Variants in ABCB5 observed in about 807,000 individuals in gnomAD.
ABCB5 encodes ATP binding cassette subfamily B member 5, also known as ATP-binding cassette sub-family B member 5.
A neutral mutation model predicts 144.2 loss-of-function variants in ABCB5; 155 were observed. The ratio of observed to expected loss-of-function variants is 1.08; its 90% CI spans 0.94 to 1.23. ABCB5 has a LOEUF of 1.23. Among genes scored for constraint, ABCB5 ranks in the 50% most tolerant of loss-of-function variants. The probability of loss-of-function intolerance (pLI) is 0.00; values close to 1 mark genes in which losing one functional copy is unlikely to be tolerated. For synonymous variants in ABCB5, 610 were observed against 528.6 expected, an observed-to-expected ratio of 1.15 and a Z score of -2.11; for missense variants, 1,830 against 1,520.8, an observed-to-expected ratio of 1.20 and a Z score of -3.38.
chr7:20,623,363 G>A lies in ABCB5; in HGVS notation c.53+25G>A, dbSNP rs750217855. 5.9e-6 allele frequency: 9 copies of A among 1,523,186 alleles called. No homozygotes were observed. In the South Asian group the frequency reaches 9.6e-5, roughly 16 times the overall value. The allele number at this position is 1,523,186 out of a possible 1,614,324, so 94.4% of individuals were successfully genotyped here. Reference sequence around the variant, plus strand: ...GGTAAGCTCTCACTAAGTTCTGTAAGTATGCTTCCACAACTTCAAATATAA... The same window carrying A: ...GGTAAGCTCTCACTAAGTTCTGTAAATATGCTTCCACAACTTCAAATATAA... On this transcript the variant is annotated intron_variant, in intron 2 of 27. Coordinates refer to ENST00000404938, the MANE Select transcript of ABCB5 (RefSeq NM_001163941.2).
Position 20,643,304 on chromosome 7 carries a change from T to A in ABCB5, c.435T>A (p.His145Gln). The change falls in exon 6 of 28, where the codon CAT (histidine) becomes CAA (glutamine). Residue 145 changes from histidine to glutamine, a missense_variant. Transcript: ENST00000404938. Reference sequence around the variant, plus strand: ...AGAGGATTCGAAAACAGTTTTTTCATTCAGTTTTGGCACAGGACATCGGCT... The same window carrying A: ...AGAGGATTCGAAAACAGTTTTTTCAATCAGTTTTGGCACAGGACATCGGCT... Reference protein sequence around the residue: ...QTKRIRKQFFHSVLAQDIGWF... With the variant: ...QTKRIRKQFFQSVLAQDIGWF... 6.2e-7 allele frequency: 1 copy of A among 1,614,000 alleles called. No homozygotes were observed. The highest frequency in any genetic ancestry group is 2.2e-5 in the East Asian group (1 of 44,882).
chr7:20,681,785 A>G (rs1785839051), intron 15 of ABCB5, 119 bp downstream of exon 15: 1 of 1,140,124 alleles, frequency 8.8e-7, no homozygotes, highest in Non-Finnish European at 1.2e-6. Flanking sequence ...ACCAAGGTTT[A>G]TAGTTCCTCA....
intron 25 of ABCB5, 120 bp from the exon 26 acceptor site, chr7:20,745,112 T>C: frequency 2.7e-6 from 3 of 1,092,212 alleles, no homozygotes; most frequent in South Asian, 1.5e-5. Flanking sequence ...ACTTTATACT[T>C]TGAAATAGCT....
Position 20,737,350 on chromosome 7 carries a change from T to A in ABCB5, c.2868-1633T>A, listed in dbSNP as rs1049587418. Among the ~76,000 whole-genome samples the A allele has an allele frequency of 4.6e-5, 7 of 152,204 alleles. No homozygotes were observed. The South Asian group carries it at 1.2e-3, about 27-fold the overall frequency. ...GGGCTTTTGCTTGTACTCTCCCTTCTCTAACTGAACCCTTTCTTCCGGCTC... is the reference window on the plus strand; with the variant it reads ...GGGCTTTTGCTTGTACTCTCCCTTCACTAACTGAACCCTTTCTTCCGGCTC... On this transcript the variant is annotated intron_variant, in intron 23 of 27. Transcript: ENST00000404938.
At position 20,756,477 on chromosome 7, in the gene ABCB5, T is replaced by A. The variant is rs941399689; in HGVS notation, c.*853T>A. 1.4e-4 allele frequency: 21 copies of A among 152,132 alleles called. No individual in the cohort carries two copies. The highest frequency in any genetic ancestry group is 3.6e-4 in the African/African-American group (15 of 41,396). The allele number at this position is 152,132 out of a possible 1,614,324, so 9.4% of individuals were successfully genotyped here. ...GGCCAACATGGTGAAACCCCGTCTC[T>A]ACTAAAAACACAAAAATTAGCCAAT... On this transcript the variant is annotated 3_prime_UTR_variant, in exon 28 of 28. Transcript: ENST00000404938.
chr7:20,622,654 A>C (rs1583373305), intron 1 of ABCB5, among the ~76,000 whole-genome samples: 11 of 152,150 alleles, frequency 7.2e-5, no homozygotes. Context: ...TTTATAATTT[A>C]TGAACATAAC....
At chr7:20,666,272 T>C (rs1562550049) in intron 14 of ABCB5, among the ~76,000 whole-genome samples, 1 of 152,032 alleles carries the variant, frequency 6.6e-6, no homozygotes, top group Non-Finnish European at 1.5e-5. Context: ...TGGAAGGCAG[T>C]GAGTGGGAAC....
Position 20,648,035 on chromosome 7 carries a change from T to G in ABCB5, c.1163T>G (p.Phe388Cys). The change falls in exon 11 of 28, where the codon TTT becomes TGT. Residue 388 changes from phenylalanine to cysteine, a missense_variant. Physicochemically the swap from Phe to Cys is radical, Grantham distance 205 (BLOSUM62 -2). Transcript: ENST00000404938. The stretch of plus-strand genomic sequence containing the variant: ...GAATCCATAGAAGGAACTGTGGAAT[T>G]TAAAAATGTTTCTTTCAATTATCCA... ...KPESIEGTVE[F>C]KNVSFNYPSR... is the part of the protein sequence containing the mutation. The G allele has an allele frequency of 6.2e-7, 1 of 1,611,470 alleles. No individual in the cohort carries two copies. Among genetic ancestry groups the G allele is most frequent in the Non-Finnish European group, 8.5e-7 (1 of 1,178,088 alleles).
At chr7:20,644,594 C>T (rs368462292) in intron 7 of ABCB5, among the ~76,000 whole-genome samples, 1 of 152,118 alleles carries the variant, frequency 6.6e-6, no homozygotes, top group Non-Finnish European at 1.5e-5. Context: ...AATCTAAAAA[C>T]AACAAATGTA....
At chr7:20,631,393 A>C (rs1341975897) in intron 4 of ABCB5, among the ~76,000 whole-genome samples, 4 of 152,138 alleles carry the variant, frequency 2.6e-5, no homozygotes, top group African/African-American at 9.6e-5. Context: ...TAACAGATGA[A>C]GAGTCATGAT....
At chr7:20,653,481 G>A (rs1208633892) in intron 13 of ABCB5, among the ~76,000 whole-genome samples, 1 of 152,164 alleles carries the variant, frequency 6.6e-6, no homozygotes, top group Non-Finnish European at 1.5e-5. Flanking sequence ...ATAATTAGCT[G>A]ATACTGGTTA....
chr7:20,679,407 G>A (rs1485149556), intron 14 of ABCB5, among the ~76,000 whole-genome samples: 1 of 141,640 alleles, frequency 7.1e-6, no homozygotes, highest in African/African-American at 2.6e-5. Context: ...GGAGGCAGCT[G>A]TTGCAGTGAG....
At chr7:20,673,319 C>A (rs1785507767) in intron 14 of ABCB5, among the ~76,000 whole-genome samples, 1 of 151,938 alleles carries the variant, frequency 6.6e-6, no homozygotes, top group African/African-American at 2.4e-5. Flanking sequence ...CTTCCTTGTC[C>A]TTATGGTCTA....
Position 20,651,554 on chromosome 7 carries a change from G to A in ABCB5, c.1467G>A (p.Val489=), listed in dbSNP as rs1784589729. The A allele has an allele frequency of 6.2e-7, 1 of 1,614,086 alleles. No individual in the cohort carries two copies. The highest frequency in any genetic ancestry group is 8.5e-7 in the Non-Finnish European group (1 of 1,180,000). The change falls in exon 13 of 28, where the codon GTG becomes GTA. Residue 489 remains valine, a synonymous_variant. Transcript: ENST00000404938. ...ATATCAAGTATGGACGAGATGATGT[G>A]ACTGATGAAGAGATGGAGAGAGCAG... ...SNNIKYGRDD[V]TDEEMERAAR... is the part of the protein sequence containing the mutation.
At chr7:20,747,411 C>T (rs541293936) in intron 26 of ABCB5, among the ~76,000 whole-genome samples, 1 of 152,312 alleles carries the variant, frequency 6.6e-6, no homozygotes, top group East Asian at 1.9e-4. Flanking sequence ...GCACATGCCA[C>T]CATGCCTGGC....
intron 5 of ABCB5, among the ~76,000 whole-genome samples, chr7:20,636,954 C>A (rs1219452755): frequency 6.6e-6 from 1 of 151,944 alleles, no homozygotes; most frequent in Non-Finnish European, 1.5e-5. Context: ...TCTATGACAG[C>A]CTTCTATCCG....
intron 19 of ABCB5, among the ~76,000 whole-genome samples, chr7:20,703,823 C>A (rs181539185): frequency 6.6e-6 from 1 of 152,100 alleles, no homozygotes; most frequent in African/African-American, 2.4e-5. Flanking sequence ...TTACATTATA[C>A]TTTTATTGCT....
intron 13 of ABCB5, among the ~76,000 whole-genome samples, chr7:20,653,689 A>G (rs574826809): frequency 6.6e-6 from 1 of 152,342 alleles, no homozygotes; most frequent in East Asian, 1.9e-4. Flanking sequence ...GGGCAGCTGG[A>G]AAGGTGATAA....
rs941861480 is a variant in ABCB5 at position 20,666,263 on chromosome 7, G to T, written c.1707+7587G>T. Among the ~76,000 whole-genome samples, 9 of 152,100 alleles carry T rather than the reference G, an allele frequency of 5.9e-5. No individual in the cohort carries two copies. The East Asian group carries it at 1.7e-3, about 29-fold the overall frequency. Reference sequence around the variant, plus strand: ...CCAAATCCAACTGAGGCAACCTTTTGGAAGGCAGTGAGTGGGAACTTGTGT... The same window carrying T: ...CCAAATCCAACTGAGGCAACCTTTTTGAAGGCAGTGAGTGGGAACTTGTGT... On this transcript the variant is annotated intron_variant, in intron 14 of 27. Coordinates refer to ENST00000404938, the MANE Select transcript of ABCB5 (RefSeq NM_001163941.2).
Sources: allele counts gnomAD v4.1 joint callset (sites outside exome capture counted in the v4.1 genomes callset), GRCh38; gene constraint gnomAD v4.1.1; transcripts MANE v1.5; gene names NCBI Gene and HGNC (gene_info 2026-07-23, HGNC 2026-07-21).